Variants in OXCT1 observed in about 807,000 individuals in gnomAD.
The protein encoded by OXCT1 is 3-oxoacid CoA-transferase 1.
OXCT1 carries 27 observed loss-of-function variants against 69.6 expected under a neutral mutation model. That is an observed-to-expected ratio of 0.39 (90% confidence interval 0.29 to 0.54). The LOEUF (loss-of-function observed/expected upper bound fraction) is 0.54, where lower values mean the gene tolerates loss of function less well. Among genes scored for constraint, OXCT1 ranks in the 20% least tolerant of loss-of-function variants. The probability of loss-of-function intolerance (pLI) is 0.72; values close to 1 mark genes in which losing one functional copy is unlikely to be tolerated. For missense variants in OXCT1, 437 were observed against 650.2 expected (o/e 0.67, Z 3.57); for synonymous variants, 202 against 217.8 (o/e 0.93, Z 0.64).
At chr5:41,775,359 T>C (rs1745072220) in intron 13 of OXCT1, among the ~76,000 whole-genome samples, 1 of 152,132 alleles carries the variant, frequency 6.6e-6, no homozygotes, top group Non-Finnish European at 1.5e-5. Flanking sequence ...GCTCATAGGA[T>C]TCAGGAAGGC....
chr5:41,796,091 T>A (rs1259375593), intron 11 of OXCT1, among the ~76,000 whole-genome samples: 1 of 152,146 alleles, frequency 6.6e-6, no homozygotes, highest in East Asian at 1.9e-4. Flanking sequence ...GGCCAATGTA[T>A]CTAAGGTTAA....
At chr5:41,774,522 G>T (rs1290348820) in intron 13 of OXCT1, among the ~76,000 whole-genome samples, 1 of 152,128 alleles carries the variant, frequency 6.6e-6, no homozygotes, top group Non-Finnish European at 1.5e-5. Context: ...AAAACAAAAA[G>T]AATGGAAGGA....
chr5:41,737,053 G>A (rs1030212567), intron 16 of OXCT1, among the ~76,000 whole-genome samples: 1 of 152,198 alleles, frequency 6.6e-6, no homozygotes, highest in Non-Finnish European at 1.5e-5. Flanking sequence ...GGGCACTCCA[G>A]CTCTAGCCTT....
intron 3 of OXCT1, chr5:41,853,756 C>T (rs1749300040): frequency 1.5e-6 from 1 of 681,128 alleles, no homozygotes; most frequent in Non-Finnish European, 2.6e-6. Context: ...AACTAAAAGT[C>T]AAGAAGTTTA....
intron 15 of OXCT1, among the ~76,000 whole-genome samples, chr5:41,743,967 T>A (rs2112020793): frequency 6.6e-6 from 1 of 152,200 alleles, no homozygotes; most frequent in East Asian, 1.9e-4. Flanking sequence ...ATGCGAGCTC[T>A]TTTTTGGTTC....
chr5:41,838,314 T>C (rs1748467828), intron 7 of OXCT1, among the ~76,000 whole-genome samples: 1 of 152,200 alleles, frequency 6.6e-6, no homozygotes, highest in Non-Finnish European at 1.5e-5. Flanking sequence ...TTCCAAATTA[T>C]TTTCCACTTT....
intron 15 of OXCT1, among the ~76,000 whole-genome samples, chr5:41,748,540 G>A (rs1402988420): frequency 6.6e-6 from 1 of 151,964 alleles, no homozygotes; most frequent in African/African-American, 2.4e-5. Context: ...AATAGATGGT[G>A]GGATAAAATA....
At chr5:41,757,104 C>T (rs563770450) in intron 14 of OXCT1, among the ~76,000 whole-genome samples, 28 of 152,088 alleles carry the variant, frequency 1.8e-4, no homozygotes, top group African/African-American at 6.5e-4. Context: ...TTTGAGCCAA[C>T]AAAGAAGTAG....
At chr5:41,851,392 G>C (rs1749166149) in intron 4 of OXCT1, among the ~76,000 whole-genome samples, 1 of 152,158 alleles carries the variant, frequency 6.6e-6, no homozygotes, top group South Asian at 2.1e-4. Flanking sequence ...TGTGAAGTTA[G>C]TAACATTTAC....
chr5:41,832,064 A>G (rs1748123906), intron 7 of OXCT1, among the ~76,000 whole-genome samples: 1 of 152,220 alleles, frequency 6.6e-6, no homozygotes, highest in Non-Finnish European at 1.5e-5. Flanking sequence ...ACAGAAAAGC[A>G]CCATCACAAG....
At chr5:41,808,424 T>C (rs1338170557) in intron 7 of OXCT1, among the ~76,000 whole-genome samples, 1 of 152,102 alleles carries the variant, frequency 6.6e-6, no homozygotes, top group Non-Finnish European at 1.5e-5. Context: ...GCCCTTCTTA[T>C]GCTGTTCTAC....
intron 7 of OXCT1, among the ~76,000 whole-genome samples, chr5:41,834,641 T>C (rs922420305): frequency 1.3e-5 from 2 of 152,116 alleles, no homozygotes; most frequent in African/African-American, 2.4e-5. Context: ...ATTATAAATA[T>C]ATACACACCC....
At chr5:41,763,512 T>G (rs1350885150) in intron 13 of OXCT1, among the ~76,000 whole-genome samples, 1 of 152,138 alleles carries the variant, frequency 6.6e-6, no homozygotes, top group Non-Finnish European at 1.5e-5. Flanking sequence ...GTAGAGAACA[T>G]TGATATCGTA....
intron 1 of OXCT1, among the ~76,000 whole-genome samples, chr5:41,869,411 C>T (rs1561143307): frequency 6.6e-6 from 1 of 152,212 alleles, no homozygotes; most frequent in Non-Finnish European, 1.5e-5. Context: ...CTGTAATTCG[C>T]TCCTAGGGCT....
At chr5:41,854,919 C>T (rs1032440091) in intron 3 of OXCT1, among the ~76,000 whole-genome samples, 1 of 152,144 alleles carries the variant, frequency 6.6e-6, no homozygotes, top group African/African-American at 2.4e-5. Flanking sequence ...TCAGCAATTC[C>T]ATTCTGGGTC....
chr5:41,844,158 T>C (rs1434316022), intron 5 of OXCT1, among the ~76,000 whole-genome samples: 10 of 152,226 alleles, frequency 6.6e-5, no homozygotes, highest in Admixed American at 2.6e-4. Flanking sequence ...TTAGTTTTAC[T>C]GAAATTTAAA....
At chr5:41,853,078 A>T (rs1161541481) in intron 4 of OXCT1, among the ~76,000 whole-genome samples, 2 of 152,180 alleles carry the variant, frequency 1.3e-5, no homozygotes, top group African/African-American at 4.8e-5. Context: ...CTCAAAAAAA[A>T]AAATAAAAAT....
chr5:41,731,478 A>G lies in OXCT1; in HGVS notation c.*251T>C, dbSNP rs1742619518. ...CATATTCAGTGAAAATGCATTCAATATAATTACCTATTATAAAAACAACCT... is the reference window on the plus strand; with the variant it reads ...CATATTCAGTGAAAATGCATTCAATGTAATTACCTATTATAAAAACAACCT... On this transcript the variant is annotated 3_prime_UTR_variant, in exon 17 of 17. Coordinates refer to ENST00000196371, the MANE Select transcript of OXCT1 (RefSeq NM_000436.4). The G allele has an allele frequency of 4.6e-6, 4 of 878,102 alleles. No homozygotes were observed. Among genetic ancestry groups the G allele is most frequent in the South Asian group, 4.3e-5 (2 of 47,006 alleles). The allele number at this position is 878,102 out of a possible 1,614,324, so 54.4% of individuals were successfully genotyped here. A position where few individuals can be genotyped will look rare whatever the true frequency, so the allele number is the denominator to read the frequency against.
At chr5:41,849,094 C>T (rs1749060750) in intron 5 of OXCT1, among the ~76,000 whole-genome samples, 1 of 152,158 alleles carries the variant, frequency 6.6e-6, no homozygotes, top group Non-Finnish European at 1.5e-5. Flanking sequence ...TTTGAATCCA[C>T]ATAGATCACT....
Sources: gnomAD v4.1 joint callset for allele counts (sites outside exome capture counted in the v4.1 genomes callset) on GRCh38, gnomAD v4.1.1 for gene constraint, MANE v1.5 for transcripts, NCBI Gene and HGNC (gene_info 2026-07-23, HGNC 2026-07-21) for gene names.